The following CHD8 variants were observed in gnomAD, a reference collection of about 807,000 sequenced individuals.
CHD8 encodes the protein chromodomain helicase DNA binding protein 8.
In CHD8, 31 loss-of-function variants were observed where a neutral mutation model predicts 279.2. That is an observed-to-expected ratio of 0.11 (90% CI 0.08 to 0.15). The LOEUF is 0.15. Ranked by LOEUF, CHD8 falls within the 10% of genes least tolerant of loss-of-function variation. The probability of loss-of-function intolerance (pLI) is 1.00; values close to 1 mark genes in which losing one functional copy is unlikely to be tolerated. For missense variants in CHD8, 2,146 were observed against 3,230.5 expected (o/e 0.66, Z 8.14); for synonymous variants, 1,081 against 1,139.6 (o/e 0.95, Z 1.04).
chr14:21,385,904 A>G lies in CHD8; in HGVS notation c.7455T>C (p.His2485=), dbSNP rs776137356. ...GATGAAGCATGGTGCTGGAGTCTAC[A>G]TGAGGGGATGATGGTGCACCACCCA... is the stretch of plus-strand genomic sequence containing the variant. ...FVMGGAPSSP[H]VDSSTMLHHH... Residue 2485 remains histidine (H), a synonymous_variant, in exon 38 of 38, where the codon CAT becomes CAC. Coordinates refer to ENST00000646647, the MANE Select transcript of CHD8 (RefSeq NM_001170629.2). The G allele has an allele frequency of 6.4e-7, 1 of 1,552,164 alleles. No individual in the cohort carries two copies. Among genetic ancestry groups the G allele is most frequent in the Non-Finnish European group, 8.7e-7 (1 of 1,147,298 alleles).
chr14:21,432,229 A>G (rs1233128863), intron 1 of CHD8, among the ~76,000 whole-genome samples: 1 of 152,188 alleles, frequency 6.6e-6, no homozygotes, highest in Non-Finnish European at 1.5e-5. Flanking sequence ...AAAATATGCC[A>G]CCAGAATTAC....
Position 21,403,619 on chromosome 14 carries a change from T to C in CHD8, c.3352A>G (p.Ile1118Val), listed in dbSNP as rs767227803. The C allele has an allele frequency of 1.7e-5, 27 of 1,607,694 alleles. No individual in the cohort carries two copies. In the Admixed American group the frequency reaches 4.4e-4, roughly 26 times the overall value. The change falls in exon 17 of 38, where the codon ATT (isoleucine) becomes GTT (valine). Residue 1118 changes from isoleucine (I) to valine (V), a missense_variant. Physicochemically the swap from Ile to Val is conservative, Grantham distance 29. Transcript: ENST00000646647. This position sits in a 1 kb window ranked among gnomAD's most constrained non-coding sequence, Gnocchi z 4.3. Reference sequence around the variant, plus strand: ...TGCAGGTGAAAGTCATGAGGTATAATATGGCAAGCTTCACGGAATTCTGTT... The same window carrying C: ...TGCAGGTGAAAGTCATGAGGTATAACATGGCAAGCTTCACGGAATTCTGTT... ...ILTEFREACH[I>V]IPHDFHLQAM...
At chr14:21,429,656 G>C in intron 2 of CHD8, 1 of 417,218 alleles carries the variant, frequency 2.4e-6, no homozygotes, top group South Asian at 1.9e-5. Context: ...GTGGTCCCTT[G>C]CTCCTGGGAG....
chr14:21,397,615 A>C, intron 27 of CHD8: 1 of 524,262 alleles, frequency 1.9e-6, no homozygotes, highest in South Asian at 2.1e-5. Flanking sequence ...AGCCATTTAC[A>C]AGTGACATTC....
intron 34 of CHD8, chr14:21,392,230 TA>T (rs1887578373): frequency 2.7e-6 from 2 of 754,648 alleles, no homozygotes; most frequent in Admixed American, 3.4e-5. Context: ...GTCTCCGTAT[TA>T]GCATGGCAAC....
intron 1 of CHD8, among the ~76,000 whole-genome samples, chr14:21,444,716 T>A (rs904989288): frequency 3.3e-5 from 5 of 152,094 alleles, no homozygotes; most frequent in Non-Finnish European, 4.4e-5. Flanking sequence ...AAAAAAAAAA[T>A]TTATTTGCTA....
At chr14:21,409,719 T>G in intron 11 of CHD8, 132 bp downstream of exon 11, 1 of 777,990 alleles carries the variant, frequency 1.3e-6, no homozygotes, top group Non-Finnish European at 2.0e-6. Flanking sequence ...ATGGGTACAT[T>G]ATACCATTTC....
chr14:21,451,571 CAAAA>C (rs969355375), intron 1 of CHD8, among the ~76,000 whole-genome samples: 1 of 31,634 alleles, frequency 3.2e-5, no homozygotes, highest in African/African-American at 1.1e-4. Context: ...GACTCTGTCT[CAAAA>C]AAAAAAAAAA....
chr14:21,386,651 C>T (rs547031620), intron 37 of CHD8, among the ~76,000 whole-genome samples: 1 of 152,070 alleles, frequency 6.6e-6, no homozygotes, highest in African/African-American at 2.4e-5. Context: ...TCCTGGCTAA[C>T]ACGGTGAAAC....
rs1888639726 is a variant in CHD8 at position 21,414,667 on chromosome 14, T to C, written c.2025-249A>G. ...TTCTGCTGATCCATGGGCCATATTT[T>C]GAGTAGCAAGATCTTAGTGCTAAAC... On this transcript the variant is annotated intron_variant, in intron 8 of 37. Coordinates refer to ENST00000646647, the MANE Select transcript of CHD8 (RefSeq NM_001170629.2). 6.7e-6 allele frequency: 4 copies of C among 593,220 alleles called. No homozygotes were observed. The Admixed American group carries it at 1.3e-4, about 19-fold the overall frequency. The allele number at this position is 593,220 out of a possible 1,614,324, so 36.7% of individuals were successfully genotyped here. A position where few individuals can be genotyped will look rare whatever the true frequency, so the allele number is the denominator to read the frequency against.
rs1216296900 is a variant in CHD8 at position 21,393,756 on chromosome 14, A to G, written c.6039T>C (p.Ala2013=). 1.9e-6 allele frequency: 3 copies of G among 1,613,926 alleles called. No individual in the cohort carries two copies. The South Asian group carries it at 3.3e-5, about 18-fold the overall frequency. ...GACTCTCCAGACTGGGGACCTGGGT[A>G]GCTGTCTCCTCGGGTGACTTTTCAA... ...APVEKSPEET[A]TQVPSLESLT... is the part of the protein sequence containing the mutation. Residue 2013 remains alanine, a synonymous_variant, in exon 32 of 38, where the codon GCT becomes GCC. Coordinates refer to ENST00000646647, the MANE Select transcript of CHD8 (RefSeq NM_001170629.2).
At chr14:21,422,160 G>A (rs1204007247) in intron 5 of CHD8, among the ~76,000 whole-genome samples, 1 of 152,140 alleles carries the variant, frequency 6.6e-6, no homozygotes, top group Non-Finnish European at 1.5e-5. Context: ...GGCCAACATG[G>A]TGAAACTCCA....
chr14:21,408,239 T>C lies in CHD8; in HGVS notation c.2730+73A>G. On this transcript the variant is annotated intron_variant, in intron 13 of 37. Transcript: ENST00000646647. The surrounding 1 kb of genome is among the most constrained non-coding windows in gnomAD (Gnocchi z 4.3). ...TTTCAATAAAAGTCTTCTATTCATA[T>C]ATAGCCCTTAAAATACCAGGTACCT... 2.6e-6 allele frequency: 4 copies of C among 1,542,366 alleles called. No homozygotes were observed. Among genetic ancestry groups the C allele is most frequent in the South Asian group, 1.2e-5 (1 of 84,532 alleles).
At chr14:21,395,216 C>A in intron 29 of CHD8, 82 bp downstream of exon 29, 2 of 1,524,296 alleles carry the variant, frequency 1.3e-6, no homozygotes, top group Non-Finnish European at 1.8e-6. Flanking sequence ...TCTTAGAAAT[C>A]CCAGGATAGG....
chr14:21,414,480 GA>G (rs1888633807), intron 8 of CHD8, 62 bp from the exon 9 acceptor site: 1 of 877,334 alleles, frequency 1.1e-6, no homozygotes, highest in South Asian at 1.5e-5. Context: ...GCTACTGTCT[GA>G]AATTTTGGGA....
Position 21,400,190 on chromosome 14 carries a change from T to C in CHD8, c.4688A>G (p.Asp1563Gly). 6.2e-7 allele frequency: 1 copy of C among 1,613,976 alleles called. No homozygotes were observed. Among genetic ancestry groups the C allele is most frequent in the Non-Finnish European group, 8.5e-7 (1 of 1,179,888 alleles). Residue 1563 changes from aspartate (D) to glycine (G), a missense_variant, in exon 24 of 38, where the codon GAT becomes GGT. By Grantham distance (94) the Asp-to-Gly change is moderately conservative. Coordinates refer to ENST00000646647, the MANE Select transcript of CHD8 (RefSeq NM_001170629.2). The surrounding 1 kb of genome is among the most constrained non-coding windows in gnomAD (Gnocchi z 4.2). ...TTTCAAGTGCTTCTTATAACTTTCA[T>C]CTTGGAACAAAGTGTCAGGGTTATA... Reference protein sequence around the residue: ...RKYNPDTLFQDESYKKHLKHQ... With the variant: ...RKYNPDTLFQGESYKKHLKHQ...
chr14:21,385,947 G>A lies in CHD8; in HGVS notation c.7412C>T (p.Pro2471Leu). 6.4e-7 allele frequency: 1 copy of A among 1,556,846 alleles called. No homozygotes were observed. The highest frequency in any genetic ancestry group is 1.2e-5 in the South Asian group (1 of 84,342). ...GHSSATSASL[P>L]FMPFVMGGAP... is the part of the protein sequence containing the mutation. ...ACCACCCATCACAAATGGCATAAAA[G>A]GCAAAGATGCAGAAGTGGCACTGCT... The change falls in exon 38 of 38, where the codon CCT becomes CTT. Residue 2471 changes from proline (P) to leucine (L), a missense_variant. Physicochemically the swap from Pro to Leu is moderately conservative, Grantham distance 98. This residue lies in a region of CHD8 where 336 missense variants were observed against 392.9 expected (regional missense o/e 0.86). Transcript: ENST00000646647.
At chr14:21,412,334 C>T (rs1295355388) in intron 10 of CHD8, among the ~76,000 whole-genome samples, 6 of 151,876 alleles carry the variant, frequency 4.0e-5, no homozygotes, top group East Asian at 1.9e-4. Flanking sequence ...TTAGTAGAGA[C>T]GGGGTTTCAC....
chr14:21,411,494 A>C lies in CHD8; in HGVS notation c.2226+1419T>G, dbSNP rs927210437. Among the ~76,000 whole-genome samples, 5 of 152,120 alleles carry C rather than the reference A, an allele frequency of 3.3e-5. No individual in the cohort carries two copies. The South Asian group carries it at 1.0e-3, about 31-fold the overall frequency. The stretch of plus-strand genomic sequence containing the variant: ...GAATGATGTATGGGAGGATCAAGTC[A>C]CTTGAAAAAGTCATGAAAAAGCCCA... On this transcript the variant is annotated intron_variant, in intron 10 of 37. Coordinates refer to ENST00000646647, the MANE Select transcript of CHD8 (RefSeq NM_001170629.2).
Sources: gnomAD v4.1 joint callset for allele counts (sites outside exome capture counted in the v4.1 genomes callset) on GRCh38, gnomAD v4.1.1 for gene constraint, gnomAD v4.1.1 regional missense constraint, Gnocchi (gnomAD v3.1) non-coding constraint, MANE v1.5 for transcripts, NCBI Gene and HGNC (gene_info 2026-07-23, HGNC 2026-07-21) for gene names.